Variants in MAGI2 observed in about 807,000 individuals in gnomAD.
MAGI2 encodes the protein membrane associated guanylate kinase, WW and PDZ domain containing 2.
Under a neutral mutation model 133.3 loss-of-function variants are expected in MAGI2, and 35 were observed. That is an observed-to-expected ratio of 0.26 (90% CI 0.20 to 0.35). The LOEUF (loss-of-function observed/expected upper bound fraction) is 0.35. Among genes scored for constraint, MAGI2 ranks in the 10% least tolerant of loss-of-function variants. MAGI2 has a pLI of 1.00. For synonymous variants in MAGI2, 729 were observed against 710.6 expected (o/e 1.03, Z -0.41); for missense variants, 1,636 against 1,863.4 (o/e 0.88, Z 2.25).
At chr7:78,714,087 A>AGG (rs548807384) in intron 2 of MAGI2, among the ~76,000 whole-genome samples, 1 of 70,124 alleles carries the variant, frequency 1.4e-5, no homozygotes, top group Non-Finnish European at 4.0e-5. Context: ...GGTGAAAGAA[A>AGG]GAGGGGGGAA....
chr7:79,290,920 G>A (rs796296712), intron 1 of MAGI2, among the ~76,000 whole-genome samples: 2 of 152,022 alleles, frequency 1.3e-5, no homozygotes, highest in South Asian at 4.2e-4. Flanking sequence ...ATTACTAATC[G>A]CGGGGATTTA....
intron 6 of MAGI2, among the ~76,000 whole-genome samples, chr7:78,443,248 T>C (rs192031855): frequency 1.8e-3 from 265 of 148,818 alleles, no homozygotes; most frequent in Admixed American, 5.6e-3. Context: ...TATTATGACA[T>C]AAAGAAATAG....
At chr7:78,266,800 G>A (rs1244683992) in intron 9 of MAGI2, among the ~76,000 whole-genome samples, 2 of 151,918 alleles carry the variant, frequency 1.3e-5, no homozygotes, top group South Asian at 4.2e-4. Context: ...GGCTGGTCTC[G>A]TGACCTCGTG....
At chr7:78,668,985 A>G (rs2151065828) in intron 2 of MAGI2, among the ~76,000 whole-genome samples, 1 of 152,284 alleles carries the variant, frequency 6.6e-6, no homozygotes, top group East Asian at 1.9e-4. Flanking sequence ...TCCAAAATTG[A>G]TACCCTAACA....
At chr7:78,662,183 G>A (rs1813033337) in intron 2 of MAGI2, among the ~76,000 whole-genome samples, 3 of 152,300 alleles carry the variant, frequency 2.0e-5, no homozygotes, top group South Asian at 4.1e-4. Flanking sequence ...ATTTTAGGGT[G>A]TAAAGTACTT....
intron 2 of MAGI2, among the ~76,000 whole-genome samples, chr7:78,977,503 GAAAGAAAGA>G (rs1804389068): frequency 3.1e-5 from 1 of 32,758 alleles, no homozygotes; most frequent in African/African-American, 7.2e-5. Flanking sequence ...AAGAAAGAAA[GAAAGAAAGA>G]AAGAAAGAAA....
intron 9 of MAGI2, among the ~76,000 whole-genome samples, chr7:78,290,308 T>G (rs1796569013): frequency 6.6e-6 from 1 of 152,158 alleles, no homozygotes; most frequent in Non-Finnish European, 1.5e-5. Flanking sequence ...AATCCTAGTC[T>G]CTGATAAAAC....
chr7:78,776,845 T>C (rs1826025399), intron 2 of MAGI2, among the ~76,000 whole-genome samples: 1 of 152,258 alleles, frequency 6.6e-6, no homozygotes, highest in African/African-American at 2.4e-5. Context: ...ATGAAATAAG[T>C]TGTTGATCCT....
intron 2 of MAGI2, among the ~76,000 whole-genome samples, chr7:78,701,890 G>C (rs1818112286): frequency 6.6e-6 from 1 of 151,766 alleles, no homozygotes; most frequent in African/African-American, 2.4e-5. Flanking sequence ...TAACTTTTTG[G>C]AATTTCCCTA....
At chr7:78,522,458 T>C (rs1796587025) in intron 3 of MAGI2, among the ~76,000 whole-genome samples, 1 of 152,110 alleles carries the variant, frequency 6.6e-6, no homozygotes, top group Admixed American at 6.5e-5. Context: ...GGCGGACTGA[T>C]ACCTCCGCCT....
At chr7:79,033,900 A>T (rs941637445) in intron 1 of MAGI2, among the ~76,000 whole-genome samples, 2 of 152,146 alleles carry the variant, frequency 1.3e-5, no homozygotes, top group Admixed American at 6.6e-5. Flanking sequence ...TTGAGTTCTA[A>T]ATATACTAAC....
At chr7:79,209,489 C>A (rs1162870259) in intron 1 of MAGI2, among the ~76,000 whole-genome samples, 1 of 151,908 alleles carries the variant, frequency 6.6e-6, no homozygotes, top group Non-Finnish European at 1.5e-5. Flanking sequence ...CACTTATTTT[C>A]TCCTGTCACC....
At chr7:78,864,341 T>C (rs1794384337) in intron 2 of MAGI2, among the ~76,000 whole-genome samples, 1 of 152,226 alleles carries the variant, frequency 6.6e-6, no homozygotes, top group Non-Finnish European at 1.5e-5. Context: ...TTCTACAGCA[T>C]TGATGAGAAA....
rs1808102843 is a variant in MAGI2 at position 78,019,582 on chromosome 7, C to T, written c.4101G>A (p.Glu1367=). The T allele has an allele frequency of 1.2e-5, 12 of 980,754 alleles. No homozygotes were observed. Among genetic ancestry groups the T allele is most frequent in the South Asian group, 9.1e-5 (2 of 22,060 alleles). The allele number at this position is 980,754 out of a possible 1,614,324, so 60.8% of individuals were successfully genotyped here. The change falls in exon 22 of 22, where the codon GAG becomes GAA. Residue 1367 remains glutamate, a synonymous_variant. Transcript: ENST00000354212. The stretch of plus-strand genomic sequence containing the variant: ...CGGAGCCCGCCGCCGCACGGGGCGC[C>T]TCCTTCCCGCCCGCCCGCGCCGCGT... ...AADAARAGGK[E]APRAAAGSEL...
intron 1 of MAGI2, among the ~76,000 whole-genome samples, chr7:79,229,397 C>A (rs1563020277): frequency 6.6e-6 from 1 of 152,138 alleles, no homozygotes; most frequent in African/African-American, 2.4e-5. Flanking sequence ...TTGGGCCTAC[C>A]ATCTTTCCTC....
chr7:78,941,712 TCCTGAGCCTATTTCATCA>T (rs898081707), intron 2 of MAGI2, among the ~76,000 whole-genome samples: 1 of 145,978 alleles, frequency 6.9e-6, no homozygotes, highest in African/African-American at 2.6e-5. Context: ...TAAAACAGTT[TCCTGAGCCTATTTCATCA>T]CACACACACA....
At chr7:79,010,245 A>ATGTG (rs1179064502) in intron 1 of MAGI2, among the ~76,000 whole-genome samples, 7 of 151,676 alleles carry the variant, frequency 4.6e-5, no homozygotes, top group East Asian at 3.9e-4. Context: ...ATATGTATGT[A>ATGTG]TGTGTGATAC....
intron 6 of MAGI2, among the ~76,000 whole-genome samples, chr7:78,397,631 C>T (rs909331102): frequency 2.6e-5 from 4 of 152,104 alleles, no homozygotes; most frequent in African/African-American, 9.7e-5. Context: ...CAGGAACTCA[C>T]AGAAACCTGA....
intron 2 of MAGI2, among the ~76,000 whole-genome samples, chr7:78,983,107 G>A (rs2116209658): frequency 6.6e-6 from 1 of 152,050 alleles, no homozygotes; most frequent in East Asian, 1.9e-4. Context: ...GATATATTAA[G>A]TAAAATATGT....
Sources: gnomAD v4.1 joint callset for allele counts (sites outside exome capture counted in the v4.1 genomes callset) on GRCh38, gnomAD v4.1.1 for gene constraint, MANE v1.5 for transcripts, NCBI Gene and HGNC (gene_info 2026-07-23, HGNC 2026-07-21) for gene names.